The following LRP2 variants were observed in gnomAD, a reference collection of about 807,000 sequenced individuals.
LRP2 encodes the protein low-density lipoprotein receptor-related protein 2.
LRP2 carries 172 observed loss-of-function variants against 531.0 expected under a neutral mutation model. The observed-to-expected ratio is 0.32, with a 90% CI of 0.29 to 0.37. The LOEUF (loss-of-function observed/expected upper bound fraction) is 0.37, where lower values mean the gene tolerates loss of function less well. LRP2 is among the 10% of genes least tolerant of loss of function. The pLI is 1.00. For synonymous variants in LRP2, 1,992 were observed against 2,027.6 expected, an observed-to-expected ratio of 0.98 and a Z score of 0.47; for missense variants, 5,167 against 5,868.3, an observed-to-expected ratio of 0.88 and a Z score of 3.90.
chr2:169,228,422 G>A (rs1419148150), intron 31 of LRP2, among the ~76,000 whole-genome samples: 1 of 152,000 alleles, frequency 6.6e-6, no homozygotes, highest in African/African-American at 2.4e-5. Context: ...CACTGGCTCA[G>A]TAGAAACTAT....
chr2:169,280,728 C>T (rs539457020), intron 10 of LRP2, among the ~76,000 whole-genome samples: 13 of 152,144 alleles, frequency 8.5e-5, no homozygotes, highest in Non-Finnish European at 1.9e-4. Context: ...CTTAATGAAG[C>T]GTCCAAAATC....
At chr2:169,199,487 A>G (rs1354369314) in intron 44 of LRP2, among the ~76,000 whole-genome samples, 1 of 152,240 alleles carries the variant, frequency 6.6e-6, no homozygotes, top group Non-Finnish European at 1.5e-5. Flanking sequence ...TGAGAAGAGC[A>G]CAGAGGAAGC....
At chr2:169,191,720 A>G (rs1318385509) in intron 48 of LRP2, 112 bp downstream of exon 48, 2 of 841,188 alleles carry the variant, frequency 2.4e-6, no homozygotes, top group Non-Finnish European at 4.1e-6. Flanking sequence ...ATAAGCCACT[A>G]AAAGCATCAT....
intron 34 of LRP2, among the ~76,000 whole-genome samples, chr2:169,219,994 G>A (rs1311887329): frequency 6.6e-6 from 1 of 151,988 alleles, no homozygotes; most frequent in African/African-American, 2.4e-5. Context: ...CCACAATCCT[G>A]CTAAGTGCCG....
At chr2:169,149,771 G>A (rs138178426) in intron 68 of LRP2, among the ~76,000 whole-genome samples, 2,105 of 151,924 alleles carry the variant, frequency 0.014, 45 homozygotes, top group African/African-American at 0.047. Context: ...TGGAGACAGA[G>A]GTTGCAGTGA....
chr2:169,313,985 T>C (rs1237205147), intron 3 of LRP2, among the ~76,000 whole-genome samples: 1 of 152,262 alleles, frequency 6.6e-6, no homozygotes, highest in East Asian at 1.9e-4. Context: ...GCTCCCAGCC[T>C]ACAGAGCTTC....
intron 33 of LRP2, among the ~76,000 whole-genome samples, chr2:169,222,233 G>A (rs1689044726): frequency 6.6e-6 from 1 of 152,058 alleles, no homozygotes; most frequent in Non-Finnish European, 1.5e-5. Flanking sequence ...GGTCTTTCAT[G>A]GATTTTCTAA....
At chr2:169,213,544 T>G in intron 36 of LRP2, 113 bp downstream of exon 36, 1 of 898,176 alleles carries the variant, frequency 1.1e-6, no homozygotes. Context: ...TAACTTCAAT[T>G]TGTATGCACG....
At chr2:169,197,157 T>G in intron 45 of LRP2, 127 bp from the exon 46 acceptor site, 1 of 1,118,952 alleles carries the variant, frequency 8.9e-7, no homozygotes, top group Non-Finnish European at 1.3e-6. Flanking sequence ...GCCTGGAAAA[T>G]GGATGCTTGT....
Position 169,198,632 on chromosome 2 carries a change from C to G in LRP2, c.8578+154G>C, listed in dbSNP as rs77931698. Among the ~76,000 whole-genome samples the G allele has an allele frequency of 1.6e-3, 244 of 152,262 alleles. 4 individuals carry two copies. The East Asian group carries it at 0.038, about 24-fold the overall frequency. ...AAAGAGTTTCTCATACCCCTGCAATCACATATGAAAGCAACTGCCTACCAC... is the reference window on the plus strand; with the variant it reads ...AAAGAGTTTCTCATACCCCTGCAATGACATATGAAAGCAACTGCCTACCAC... On this transcript the variant is annotated intron_variant, in intron 45 of 78. Coordinates refer to ENST00000649046, the MANE Select transcript of LRP2 (RefSeq NM_004525.3).
chr2:169,330,153 G>T (rs1208165447), intron 1 of LRP2, among the ~76,000 whole-genome samples: 3 of 152,184 alleles, frequency 2.0e-5, no homozygotes, highest in Non-Finnish European at 4.4e-5. Context: ...GTGCCAAAAA[G>T]CTTGGGGACC....
At chr2:169,318,055 TGA>T (rs1004599117) in intron 3 of LRP2, among the ~76,000 whole-genome samples, 2 of 152,044 alleles carry the variant, frequency 1.3e-5, no homozygotes, top group African/African-American at 4.8e-5. Context: ...CCAGCCTGGG[TGA>T]GAGAGTGAGA....
At chr2:169,346,910 A>G (rs1002566180) in intron 1 of LRP2, among the ~76,000 whole-genome samples, 6 of 152,218 alleles carry the variant, frequency 3.9e-5, no homozygotes, top group African/African-American at 1.4e-4. Context: ...AAGGACAGCC[A>G]TACTAGAAGC....
Position 169,284,372 on chromosome 2 carries a change from C to T in LRP2, c.1043-1371G>A, listed in dbSNP as rs567452372. On this transcript the variant is annotated intron_variant, in intron 9 of 78. Transcript: ENST00000649046. ...CTCCGCCTCCCGGGTTCAAGTGATC[C>T]TTCCACCTCAGCCTACCGAGTAGCT... 5.6e-5 allele frequency among the ~76,000 whole-genome samples: 8 copies of T among 143,980 alleles called. No homozygotes were observed. The East Asian group carries it at 1.8e-3, about 32-fold the overall frequency. 94.5% of individuals were successfully genotyped at this position (143,980 alleles called of 152,430 possible). A position where few individuals can be genotyped will look rare whatever the true frequency, so the allele number is the denominator to read the frequency against.
At chr2:169,261,244 G>A (rs1690535220) in intron 16 of LRP2, among the ~76,000 whole-genome samples, 3 of 152,042 alleles carry the variant, frequency 2.0e-5, no homozygotes, top group Admixed American at 1.3e-4. Context: ...AAAGTCAGTA[G>A]AAAAAGAGAA....
chr2:169,256,846 C>A (rs1156469211), intron 18 of LRP2, among the ~76,000 whole-genome samples: 2 of 152,148 alleles, frequency 1.3e-5, no homozygotes, highest in Admixed American at 1.3e-4. Flanking sequence ...CCTCCCCCAT[C>A]TTGAGTTTCC....
At chr2:169,342,084 A>G (rs1468968011) in intron 1 of LRP2, among the ~76,000 whole-genome samples, 6 of 152,114 alleles carry the variant, frequency 3.9e-5, no homozygotes, top group Admixed American at 6.6e-5. Flanking sequence ...ATATGTTTCC[A>G]AAGGTTCCCT....
chr2:169,218,864 G>A (rs1688887915), intron 34 of LRP2, among the ~76,000 whole-genome samples: 2 of 152,114 alleles, frequency 1.3e-5, no homozygotes, highest in African/African-American at 4.8e-5. Flanking sequence ...GCATCCATCA[G>A]CCTGGGTCCT....
At chr2:169,246,242 G>T (rs1018525579) in intron 21 of LRP2, among the ~76,000 whole-genome samples, 1 of 151,876 alleles carries the variant, frequency 6.6e-6, no homozygotes, top group East Asian at 1.9e-4. Context: ...TGTGCACAAT[G>T]TGCAGGTTAG....
Sources: gnomAD v4.1 joint callset for allele counts (sites outside exome capture counted in the v4.1 genomes callset) on GRCh38, gnomAD v4.1.1 for gene constraint, MANE v1.5 for transcripts, NCBI Gene and HGNC (gene_info 2026-07-23, HGNC 2026-07-21) for gene names.